Variants in AOX1 observed in about 807,000 individuals in gnomAD.
The protein encoded by AOX1 is aldehyde oxidase.
AOX1 carries 153 observed loss-of-function variants against 169.5 expected under a neutral mutation model. The observed-to-expected ratio is 0.90, with a 90% CI of 0.79 to 1.03. The LOEUF (loss-of-function observed/expected upper bound fraction) is 1.03. AOX1 is among the 50% of genes least tolerant of loss of function. The pLI is 0.00. For missense variants in AOX1, 1,656 were observed against 1,663.9 expected, an observed-to-expected ratio of 1.00 and a Z score of 0.08; for synonymous variants, 562 against 581.9, an observed-to-expected ratio of 0.97 and a Z score of 0.49.
intron 15 of AOX1, among the ~76,000 whole-genome samples, chr2:200,615,272 G>C (rs1183567128): frequency 6.6e-6 from 1 of 152,164 alleles, no homozygotes; most frequent in Non-Finnish European, 1.5e-5. Flanking sequence ...TTCCCAAAAT[G>C]CTGGAATTAC....
At chr2:200,672,957 G>A (rs1211162499), downstream of AOX1, among the ~76,000 whole-genome samples, 2 of 152,176 alleles carry the variant, frequency 1.3e-5, no homozygotes, top group African/African-American at 4.8e-5. Flanking sequence ...AGGGACGGGG[G>A]CAGCCATGTA....
At chr2:200,643,955 A>G (rs1053946236) in intron 25 of AOX1, among the ~76,000 whole-genome samples, 15 of 151,846 alleles carry the variant, frequency 9.9e-5, no homozygotes, top group Non-Finnish European at 2.9e-5. Context: ...GGTTATGGAT[A>G]TTAGTCCTTT....
chr2:200,649,236 A>C (rs1291376743), intron 25 of AOX1, among the ~76,000 whole-genome samples: 1 of 142,718 alleles, frequency 7.0e-6, no homozygotes, highest in South Asian at 2.5e-4. Context: ...GTTAGGCAGG[A>C]ATGGCCTGGC....
chr2:200,667,443 TC>T (rs1214301132), intron 32 of AOX1, among the ~76,000 whole-genome samples: 4 of 69,422 alleles, frequency 5.8e-5, no homozygotes, highest in African/African-American at 1.1e-4. Flanking sequence ...TTGTGTCCCC[TC>T]CCCCCCACCC....
downstream of AOX1, among the ~76,000 whole-genome samples, chr2:200,673,056 G>A (rs564131687): frequency 6.6e-6 from 1 of 152,330 alleles, no homozygotes; most frequent in Admixed American, 6.5e-5. Flanking sequence ...TGTTGCAAAG[G>A]ATTATCCTGG....
At chr2:200,661,956 C>T (rs917250270) in intron 30 of AOX1, among the ~76,000 whole-genome samples, 4 of 152,020 alleles carry the variant, frequency 2.6e-5, no homozygotes, top group African/African-American at 7.2e-5. Context: ...GTTGAAAACA[C>T]GATCTATCTC....
At chr2:200,654,740 T>A (rs2035649226) in intron 26 of AOX1, among the ~76,000 whole-genome samples, 1 of 152,208 alleles carries the variant, frequency 6.6e-6, no homozygotes, top group Middle Eastern at 3.2e-3. Context: ...AGATTTAAAT[T>A]TCCCCGACTA....
At chr2:200,664,896 G>A (rs1360936123) in intron 31 of AOX1, among the ~76,000 whole-genome samples, 7 of 152,200 alleles carry the variant, frequency 4.6e-5, no homozygotes, top group Admixed American at 3.3e-4. Context: ...TGAGGGGCTG[G>A]CCTCCGGGAG....
intron 2 of AOX1, among the ~76,000 whole-genome samples, chr2:200,593,876 T>G (rs1292995155): frequency 1.3e-5 from 2 of 152,058 alleles, no homozygotes; most frequent in East Asian, 3.9e-4. Flanking sequence ...TCTTTAGACA[T>G]AAAAAAACAA....
chr2:200,630,882 T>C (rs938787257), intron 20 of AOX1, among the ~76,000 whole-genome samples: 5 of 152,052 alleles, frequency 3.3e-5, no homozygotes, highest in Non-Finnish European at 7.4e-5. Context: ...TCAGGAAGAA[T>C]AGCTAATGCA....
rs376178128 is a variant in AOX1 at position 200,604,034 on chromosome 2, C to G, written c.606C>G (p.Phe202Leu). Residue 202 changes from phenylalanine to leucine, a missense_variant, in exon 8 of 35, where the codon TTC becomes TTG. Transcript: ENST00000374700. The stretch of plus-strand genomic sequence containing the variant: ...CTTTTTAGACAAGTCCAAAACTCTT[C>G]GCAGAAGAGGAGTTTCTGCCATTGG... ...EEGSKTSPKLFAEEEFLPLDP... is the reference protein window; with the variant it reads ...EEGSKTSPKLLAEEEFLPLDP... 2 of 1,611,806 alleles carry G rather than the reference C, an allele frequency of 1.2e-6. No individual in the cohort carries two copies. Among genetic ancestry groups the G allele is most frequent in the East Asian group, 4.5e-5 (2 of 44,854 alleles).
rs71807461 is a variant in AOX1 at position 200,588,726 on chromosome 2, C to CTTTTT, written c.45+2590_45+2594dup. Among the ~76,000 whole-genome samples the CTTTTT allele has an allele frequency of 1.2e-3, 65 of 53,982 alleles. 10 individuals carry two copies. The South Asian group carries it at 0.015, about 12-fold the overall frequency. The allele number at this position is 53,982 out of a possible 152,430, so 35.4% of individuals were successfully genotyped here. ...CTTACATGGAAAGAACTAGAATAAGCTTTTTTTTTTTTTTTTTTTTTGAGA... is the reference window on the plus strand; with the variant it reads ...CTTACATGGAAAGAACTAGAATAAGCTTTTTTTTTTTTTTTTTTTTTTTTTTGAGA... On this transcript the variant is annotated intron_variant, in intron 1 of 34. Coordinates refer to ENST00000374700, the MANE Select transcript of AOX1 (RefSeq NM_001159.4).
chr2:200,627,525 GA>G (rs1381217917), intron 20 of AOX1, 76 bp downstream of exon 20: 2 of 1,067,648 alleles, frequency 1.9e-6, no homozygotes, highest in Non-Finnish European at 2.9e-6. Context: ...TTGTCTTCTG[GA>G]AATCATCGGG....
At chr2:200,642,477 G>T (rs1466992283) in intron 24 of AOX1, 133 bp from the exon 25 acceptor site, 10 of 595,220 alleles carry the variant, frequency 1.7e-5, no homozygotes. Context: ...TTAATTGGGG[G>T]CATGGGAATA....
chr2:200,670,629 A>G lies in AOX1; in HGVS notation c.3967A>G (p.Ile1323Val), dbSNP rs2036011021. Residue 1323 changes from isoleucine to valine, a missense_variant and splice_region_variant, in exon 35 of 35, where the codon ATT (isoleucine) becomes GTT (valine). Transcript: ENST00000374700. Reference protein sequence around the residue: ...MACEDKFTKMIPRDEPGSYVP... With the variant: ...MACEDKFTKMVPRDEPGSYVP... ...ACATCCAGATTTGTTTTTATTTTAGATTCCGAGAGATGAACCTGGATCCTA... is the reference window on the plus strand; with the variant it reads ...ACATCCAGATTTGTTTTTATTTTAGGTTCCGAGAGATGAACCTGGATCCTA... 6.2e-7 allele frequency: 1 copy of G among 1,611,674 alleles called. No individual in the cohort carries two copies. The highest frequency in any genetic ancestry group is 1.7e-5 in the Admixed American group (1 of 60,002).
chr2:200,613,868 G>C lies in AOX1; in HGVS notation c.1513G>C (p.Gly505Arg). ...RLILNEVSLL[G>R]SAPGGKVEFK... The stretch of plus-strand genomic sequence containing the variant: ...TATTCTGAATGAAGTCTCCCTTTTG[G>C]GCTCGGCGCCAGGTGGGAAAGTGGA... The change falls in exon 15 of 35, where the codon GGC (glycine) becomes CGC (arginine). Residue 505 changes from glycine (G) to arginine (R), a missense_variant. Physicochemically the swap from Gly to Arg is moderately radical, Grantham distance 125. Coordinates refer to ENST00000374700, the MANE Select transcript of AOX1 (RefSeq NM_001159.4). 1 of 1,612,664 alleles carries C rather than the reference G, an allele frequency of 6.2e-7. No individual in the cohort carries two copies. The highest frequency in any genetic ancestry group is 8.5e-7 in the Non-Finnish European group (1 of 1,179,964).
intron 14 of AOX1, among the ~76,000 whole-genome samples, chr2:200,613,025 T>TGAGAGA (rs200261175): frequency 0.19 from 18,577 of 95,344 alleles, 1,193 homozygotes; most frequent in Non-Finnish European, 0.24. Context: ...TGTGTGTGTG[T>TGAGAGA]GTGAGAGAGA....
At chr2:200,611,087 T>A (rs1484882491) in intron 12 of AOX1, among the ~76,000 whole-genome samples, 1 of 152,132 alleles carries the variant, frequency 6.6e-6, no homozygotes, top group Non-Finnish European at 1.5e-5. Flanking sequence ...ACTCCTAACC[T>A]CAAATGATCC....
In AOX1 at chr2:200,657,093, G is replaced by A. The variant is rs1194430307; in HGVS notation, c.3171+156G>A. Among the ~76,000 whole-genome samples the A allele has an allele frequency of 2.0e-5, 3 of 149,128 alleles. No homozygotes were observed. The Admixed American group carries it at 2.0e-4, about 10-fold the overall frequency. On this transcript the variant is annotated intron_variant, in intron 27 of 34. Coordinates refer to ENST00000374700, the MANE Select transcript of AOX1 (RefSeq NM_001159.4). ...AATCCCAGCATTTTGGGAGGCTGGG[G>A]TGAGAGGATTTCTTAAGTGAAGGAG...
Sources: allele counts gnomAD v4.1 joint callset (sites outside exome capture counted in the v4.1 genomes callset), GRCh38; gene constraint gnomAD v4.1.1; transcripts MANE v1.5; gene names NCBI Gene and HGNC (gene_info 2026-07-23, HGNC 2026-07-21).